The following ICA1L variants were observed in gnomAD, a reference collection of about 807,000 sequenced individuals.
The protein encoded by ICA1L is islet cell autoantigen 1-like protein.
In ICA1L, 50 loss-of-function variants were observed where a neutral mutation model predicts 61.3. The observed-to-expected ratio is 0.82, with a 90% CI of 0.65 to 1.03. The LOEUF (loss-of-function observed/expected upper bound fraction) is 1.03, where lower values mean the gene tolerates loss of function less well. ICA1L is among the 50% of genes least tolerant of loss of function. The pLI, the probability that ICA1L is intolerant of heterozygous loss-of-function variation, is 0.00. For missense variants in ICA1L, 508 were observed against 556.7 expected (o/e 0.91, Z 0.88); for synonymous variants, 161 against 191.3 (o/e 0.84, Z 1.31).
In ICA1L at chr2:202,774,690, C is replaced by T. The variant is rs1692168012; in HGVS notation, c.*4843G>A. Reference sequence around the variant, plus strand: ...GGAGCCTTTGGGTCAGGGAGAAGCACACAAGAAAAAGAGAATTTCACTGGT... The same window carrying T: ...GGAGCCTTTGGGTCAGGGAGAAGCATACAAGAAAAAGAGAATTTCACTGGT... On this transcript the variant is annotated 3_prime_UTR_variant, in exon 13 of 13. Transcript: ENST00000358299. The T allele has an allele frequency of 5.5e-6, 1 of 183,154 alleles. No homozygotes were observed. 11.3% of individuals were successfully genotyped at this position (183,154 alleles called of 1,614,324 possible).
At chr2:202,864,830 C>A (rs1246777494) in intron 1 of ICA1L, among the ~76,000 whole-genome samples, 1 of 151,950 alleles carries the variant, frequency 6.6e-6, no homozygotes, top group African/African-American at 2.4e-5. Flanking sequence ...AGGAGCCTGG[C>A]CAACATGGTG....
chr2:202,818,248 T>C (rs1693594307), intron 5 of ICA1L, among the ~76,000 whole-genome samples: 1 of 152,178 alleles, frequency 6.6e-6, no homozygotes, highest in South Asian at 2.1e-4. Context: ...GGTGAGATCA[T>C]GCATGATGTT....
At chr2:202,786,104 TTGTATC>T in intron 11 of ICA1L, 97 bp from the exon 12 acceptor site, 3 of 697,730 alleles carry the variant, frequency 4.3e-6, no homozygotes, top group Admixed American at 2.4e-5. Flanking sequence ...CCTCCAGTCT[TTGTATC>T]TGGGTAAGAT....
intron 1 of ICA1L, among the ~76,000 whole-genome samples, chr2:202,847,203 C>G (rs1050427125): frequency 1.3e-5 from 2 of 152,112 alleles, no homozygotes; most frequent in African/African-American, 4.8e-5. Flanking sequence ...CTGGACCAAG[C>G]CATTAGTGTA....
At chr2:202,827,979 G>A (rs917374571) in intron 2 of ICA1L, among the ~76,000 whole-genome samples, 1 of 152,136 alleles carries the variant, frequency 6.6e-6, no homozygotes, top group Non-Finnish European at 1.5e-5. Flanking sequence ...GCTTTAATTA[G>A]TATATATATG....
chr2:202,791,123 G>C (rs1692735206), intron 10 of ICA1L, among the ~76,000 whole-genome samples: 1 of 152,186 alleles, frequency 6.6e-6, no homozygotes, highest in South Asian at 2.1e-4. Context: ...AGGAACCAGG[G>C]AAAAAGCCAG....
At chr2:202,820,718 T>C (rs557807159) in intron 4 of ICA1L, among the ~76,000 whole-genome samples, 1 of 152,326 alleles carries the variant, frequency 6.6e-6, no homozygotes, top group South Asian at 2.1e-4. Context: ...GAGGGCCCTG[T>C]ACTTAGTACC....
intron 9 of ICA1L, 27 bp downstream of exon 9, chr2:202,811,719 T>C: frequency 6.7e-7 from 1 of 1,492,282 alleles, no homozygotes; most frequent in Non-Finnish European, 9.3e-7. Flanking sequence ...ATGTGACCAT[T>C]TCAAAGTAAT....
intron 8 of ICA1L, among the ~76,000 whole-genome samples, chr2:202,813,258 CA>C (rs34755589): frequency 3.3e-3 from 397 of 120,186 alleles, no homozygotes; most frequent in South Asian, 0.012. Context: ...GAGACTCTGT[CA>C]AAAAAAAAAA....
rs1250030584 is a variant in ICA1L at position 202,808,805 on chromosome 2, G to A, written c.910+2941C>T. 2.6e-5 allele frequency among the ~76,000 whole-genome samples: 4 copies of A among 152,334 alleles called. No individual in the cohort carries two copies. In the East Asian group the frequency reaches 7.7e-4, roughly 29 times the overall value. ...TCTCTACAATTGTGCAAGAGCCACAGCATTACTGGGCTTGGGGTGCCCCTG... is the reference window on the plus strand; with the variant it reads ...TCTCTACAATTGTGCAAGAGCCACAACATTACTGGGCTTGGGGTGCCCCTG... On this transcript the variant is annotated intron_variant, in intron 9 of 12. Coordinates refer to ENST00000358299, the MANE Select transcript of ICA1L (RefSeq NM_001288622.3).
intron 10 of ICA1L, among the ~76,000 whole-genome samples, chr2:202,790,923 C>T (rs1050486188): frequency 3.3e-5 from 5 of 152,144 alleles, no homozygotes; most frequent in South Asian, 2.1e-4. Context: ...AGGGAGAAGC[C>T]GACCATAAAA....
intron 7 of ICA1L, among the ~76,000 whole-genome samples, chr2:202,815,041 A>G (rs894186614): frequency 2.6e-5 from 4 of 152,256 alleles, no homozygotes; most frequent in Admixed American, 2.6e-4. Flanking sequence ...ACAACTTAGT[A>G]ATAGGCCTAA....
intron 1 of ICA1L, among the ~76,000 whole-genome samples, chr2:202,835,215 C>CTT (rs544503963): frequency 8.0e-4 from 97 of 120,628 alleles, no homozygotes; most frequent in African/African-American, 1.6e-3. Context: ...TGATTTCTTC[C>CTT]TTTTTTTTTT....
intron 1 of ICA1L, chr2:202,870,783 T>C (rs1687680140): frequency 1.3e-5 from 2 of 152,262 alleles, no homozygotes; most frequent in South Asian, 4.1e-4. Flanking sequence ...TTATGCTGTG[T>C]GCATCAAGAT....
chr2:202,858,014 T>A (rs543836433), intron 1 of ICA1L, among the ~76,000 whole-genome samples: 77 of 152,288 alleles, frequency 5.1e-4, no homozygotes, highest in African/African-American at 1.8e-3. Flanking sequence ...GCTTTTACAC[T>A]GTTAGTGGGA....
chr2:202,841,836 A>G, intron 1 of ICA1L: 1 of 284,224 alleles, frequency 3.5e-6, no homozygotes, highest in Non-Finnish European at 6.9e-6. Flanking sequence ...TCCCAGAAGG[A>G]GCAGGGAAGC....
chr2:202,821,300 A>G (rs1693695418), intron 4 of ICA1L, 58 bp downstream of exon 4: 1 of 1,556,642 alleles, frequency 6.4e-7, no homozygotes, highest in Admixed American at 2.0e-5. Context: ...ATTTAAGTAC[A>G]CATGTCAAAA....
intron 8 of ICA1L, 60 bp from the exon 9 acceptor site, chr2:202,811,849 T>G: frequency 2.4e-6 from 3 of 1,231,376 alleles, no homozygotes; most frequent in Non-Finnish European, 3.5e-6. Flanking sequence ...TGATTCATAT[T>G]CCCCAAACAG....
At chr2:202,838,315 A>C (rs1694210466) in intron 1 of ICA1L, among the ~76,000 whole-genome samples, 1 of 152,224 alleles carries the variant, frequency 6.6e-6, no homozygotes, top group Non-Finnish European at 1.5e-5. Flanking sequence ...TCAATTAATA[A>C]ATTTTTAAGA....
Sources: allele counts gnomAD v4.1 joint callset (sites outside exome capture counted in the v4.1 genomes callset), GRCh38; gene constraint gnomAD v4.1.1; transcripts MANE v1.5; gene names NCBI Gene and HGNC (gene_info 2026-07-23, HGNC 2026-07-21).